The following PTPRT variants were observed in gnomAD, a reference collection of about 807,000 sequenced individuals.
The protein encoded by PTPRT is receptor-type tyrosine-protein phosphatase T.
In PTPRT, 56 loss-of-function variants were observed where a neutral mutation model predicts 176.8. The ratio of observed to expected loss-of-function variants is 0.32; its 90% CI spans 0.26 to 0.40. The LOEUF is 0.40. Ranked by LOEUF, PTPRT falls within the 10% of genes least tolerant of loss-of-function variation. The pLI is 1.00. For missense variants in PTPRT, 1,540 were observed against 1,908.2 expected (o/e 0.81, Z 3.60); for synonymous variants, 783 against 739.0 (o/e 1.06, Z -0.96).
At chr20:42,347,484 G>A (rs1051039126) in intron 11 of PTPRT, among the ~76,000 whole-genome samples, 6 of 152,280 alleles carry the variant, frequency 3.9e-5, no homozygotes, top group Admixed American at 6.5e-5. Flanking sequence ...CAGTGGAACT[G>A]CAGAAGCAGC....
chr20:42,629,384 T>C (rs917092061), intron 7 of PTPRT, among the ~76,000 whole-genome samples: 2 of 152,150 alleles, frequency 1.3e-5, no homozygotes, highest in African/African-American at 4.8e-5. Flanking sequence ...TAAGCAGAGA[T>C]ACCGCAAAGT....
At chr20:42,825,299 A>C (rs982930629) in intron 2 of PTPRT, among the ~76,000 whole-genome samples, 2 of 152,178 alleles carry the variant, frequency 1.3e-5, no homozygotes, top group African/African-American at 4.8e-5. Flanking sequence ...ATCTCACGAC[A>C]GTATTACTGT....
intron 18 of PTPRT, among the ~76,000 whole-genome samples, chr20:42,131,980 C>T (rs577444459): frequency 4.5e-4 from 69 of 152,026 alleles, no homozygotes; most frequent in Non-Finnish European, 5.4e-4. Context: ...AGGGGAACAG[C>T]GATGGGAGGG....
intron 7 of PTPRT, among the ~76,000 whole-genome samples, chr20:42,537,097 A>G (rs538841145): frequency 6.6e-6 from 1 of 152,076 alleles, no homozygotes; most frequent in Non-Finnish European, 1.5e-5. Flanking sequence ...GAAAAAAAAA[A>G]CCCTAAGTTT....
At chr20:42,156,466 A>G (rs898326734) in intron 17 of PTPRT, among the ~76,000 whole-genome samples, 2 of 152,180 alleles carry the variant, frequency 1.3e-5, no homozygotes, top group African/African-American at 2.4e-5. Flanking sequence ...TTAATCATCT[A>G]TAGGCCAATA....
chr20:42,147,568 G>A (rs1251785100), intron 17 of PTPRT, among the ~76,000 whole-genome samples: 1 of 152,174 alleles, frequency 6.6e-6, no homozygotes, highest in African/African-American at 2.4e-5. Context: ...AAAGTCTCTT[G>A]TATTCACTCC....
At chr20:42,405,133 A>T (rs942458448) in intron 9 of PTPRT, among the ~76,000 whole-genome samples, 1 of 151,446 alleles carries the variant, frequency 6.6e-6, no homozygotes, top group Non-Finnish European at 1.5e-5. Context: ...CATTTGGCTA[A>T]AAAGAAATCA....
At position 42,910,711 on chromosome 20, in the gene PTPRT, T is replaced by C. The variant is rs192725836; in HGVS notation, c.89-24779A>G. Among the ~76,000 whole-genome samples the C allele has an allele frequency of 3.3e-5, 5 of 152,232 alleles. No homozygotes were observed. In the East Asian group the frequency reaches 9.7e-4, roughly 29 times the overall value. ...AAGAGACAAACACACAAAATAAGGGTGAAATCAAGGTTGAGGTGATTACGG... is the reference window on the plus strand; with the variant it reads ...AAGAGACAAACACACAAAATAAGGGCGAAATCAAGGTTGAGGTGATTACGG... On this transcript the variant is annotated intron_variant, in intron 1 of 30. Transcript: ENST00000373187.
intron 6 of PTPRT, among the ~76,000 whole-genome samples, chr20:42,711,892 G>T (rs2076150045): frequency 6.6e-6 from 1 of 151,744 alleles, no homozygotes; most frequent in Non-Finnish European, 1.5e-5. Context: ...AAAAGCACAT[G>T]GCTACCACTG....
chr20:42,888,460 C>T (rs145433046), intron 1 of PTPRT, among the ~76,000 whole-genome samples: 10 of 152,180 alleles, frequency 6.6e-5, no homozygotes, highest in Admixed American at 5.9e-4. Context: ...TCCTCACAAA[C>T]CACATGAGGT....
intron 1 of PTPRT, among the ~76,000 whole-genome samples, chr20:43,062,708 T>C (rs1188010387): frequency 1.3e-5 from 2 of 152,240 alleles, no homozygotes; most frequent in Non-Finnish European, 2.9e-5. Flanking sequence ...CTTGGATTAA[T>C]TCAAACCTGA....
intron 7 of PTPRT, among the ~76,000 whole-genome samples, chr20:42,641,871 C>T (rs917025570): frequency 5.3e-5 from 8 of 152,136 alleles, no homozygotes; most frequent in Admixed American, 4.6e-4. Flanking sequence ...AGTTTCCAGT[C>T]CCAGCTCTAT....
intron 9 of PTPRT, among the ~76,000 whole-genome samples, chr20:42,419,086 G>T (rs1020156110): frequency 6.6e-6 from 1 of 152,184 alleles, no homozygotes; most frequent in African/African-American, 2.4e-5. Context: ...CCCCCACAGG[G>T]TGCTGCCAAT....
chr20:43,095,652 CCT>C (rs1400843146), intron 1 of PTPRT, among the ~76,000 whole-genome samples: 2 of 149,314 alleles, frequency 1.3e-5, no homozygotes, highest in African/African-American at 2.5e-5. Context: ...CTCTCTCCCA[CCT>C]CTCTTCCCTT....
chr20:42,086,306 T>A (rs1983902116), intron 27 of PTPRT, among the ~76,000 whole-genome samples: 1 of 152,176 alleles, frequency 6.6e-6, no homozygotes, highest in South Asian at 2.1e-4. Context: ...TGTAGGAAAT[T>A]AGACTCAGTT....
chr20:42,191,254 T>C (rs1206651387), intron 16 of PTPRT, among the ~76,000 whole-genome samples: 1 of 151,618 alleles, frequency 6.6e-6, no homozygotes, highest in African/African-American at 2.4e-5. Context: ...AAATGTAAAA[T>C]CTTTGATTTG....
At chr20:42,928,274 A>T (rs751621322) in intron 1 of PTPRT, among the ~76,000 whole-genome samples, 1 of 152,238 alleles carries the variant, frequency 6.6e-6, no homozygotes, top group Non-Finnish European at 1.5e-5. Context: ...TCCTGATGAC[A>T]ATCTGAATCA....
intron 18 of PTPRT, among the ~76,000 whole-genome samples, chr20:42,129,789 A>G (rs565951445): frequency 5.9e-5 from 9 of 152,346 alleles, no homozygotes; most frequent in African/African-American, 2.2e-4. Context: ...AGAATTATAC[A>G]GCATTCTGCA....
At chr20:42,105,279 G>A (rs1986335103) in intron 24 of PTPRT, among the ~76,000 whole-genome samples, 1 of 152,120 alleles carries the variant, frequency 6.6e-6, no homozygotes, top group African/African-American at 2.4e-5. Flanking sequence ...TTCCTTCCCT[G>A]CTCTGCCTCA....
Sources: allele counts gnomAD v4.1 joint callset (sites outside exome capture counted in the v4.1 genomes callset), GRCh38; gene constraint gnomAD v4.1.1; transcripts MANE v1.5; gene names NCBI Gene and HGNC (gene_info 2026-07-23, HGNC 2026-07-21).